Variants in RCOR1 observed in about 807,000 individuals in gnomAD.
RCOR1 encodes REST corepressor.
A neutral mutation model predicts 64.0 loss-of-function variants in RCOR1; 12 were observed. That is an observed-to-expected ratio of 0.19 (90% CI 0.12 to 0.30). The LOEUF is 0.30. RCOR1 is among the 10% of genes least tolerant of loss of function. The pLI is 1.00. For missense variants in RCOR1, 502 were observed against 621.2 expected, an observed-to-expected ratio of 0.81 and a Z score of 2.04; for synonymous variants, 279 against 227.2, an observed-to-expected ratio of 1.23 and a Z score of -2.05.
At chr14:102,626,086 C>T (rs769755010) in intron 2 of RCOR1, among the ~76,000 whole-genome samples, 1 of 152,198 alleles carries the variant, frequency 6.6e-6, no homozygotes, top group Non-Finnish European at 1.5e-5. Flanking sequence ...GATGCCCTTC[C>T]AGCATCCCTG....
chr14:102,628,922 G>A (rs1240207926), intron 2 of RCOR1, among the ~76,000 whole-genome samples: 3 of 140,450 alleles, frequency 2.1e-5, no homozygotes, highest in East Asian at 4.1e-4. Context: ...AGACGGTCTC[G>A]CTCTGTCACC....
At chr14:102,695,749 C>T (rs1895634136) in intron 3 of RCOR1, among the ~76,000 whole-genome samples, 1 of 150,222 alleles carries the variant, frequency 6.7e-6, no homozygotes, top group African/African-American at 2.5e-5. Context: ...CGGGGTTTCA[C>T]CATGTTGGCC....
At chr14:102,721,492 A>G (rs1006005335) in intron 10 of RCOR1, 115 bp downstream of exon 10, 4 of 682,840 alleles carry the variant, frequency 5.9e-6, no homozygotes, top group South Asian at 1.9e-5. Flanking sequence ...TCAAGGCTGC[A>G]TTGATCCATG....
Position 102,727,465 on chromosome 14 carries a change from CAG to C in RCOR1, c.*960_*961del, listed in dbSNP as rs1006147264. The C allele has an allele frequency of 7.2e-5, 11 of 152,594 alleles. No individual in the cohort carries two copies. The East Asian group carries it at 7.7e-4, about 11-fold the overall frequency. 9.5% of individuals were successfully genotyped at this position (152,594 alleles called of 1,614,324 possible). On this transcript the variant is annotated 3_prime_UTR_variant, in exon 12 of 12. Coordinates refer to ENST00000262241, the MANE Select transcript of RCOR1 (RefSeq NM_015156.4). Reference sequence around the variant, plus strand: ...AGATGACATCACTGAGATTAGGAGACAGGGGAGAGCTTGCTGCAGATTCTGAC... The same window carrying C: ...AGATGACATCACTGAGATTAGGAGACGGGAGAGCTTGCTGCAGATTCTGAC...
chr14:102,728,755 G>C lies in RCOR1; in HGVS notation c.*2249G>C, dbSNP rs1004746706. On this transcript the variant is annotated 3_prime_UTR_variant, in exon 12 of 12. Coordinates refer to ENST00000262241, the MANE Select transcript of RCOR1 (RefSeq NM_015156.4). ...GGTCTCCAGCCCTGAAGAATCACGT[G>C]TGATCACAGCAGCTGACCTGGGCTT... 1.3e-5 allele frequency: 2 copies of C among 152,160 alleles called. No individual in the cohort carries two copies. Among genetic ancestry groups the C allele is most frequent in the Admixed American group, 1.3e-4 (2 of 15,266 alleles). The allele number at this position is 152,160 out of a possible 1,614,324, so 9.4% of individuals were successfully genotyped here.
chr14:102,659,138 A>G (rs766715917), intron 2 of RCOR1: 9 of 985,330 alleles, frequency 9.1e-6, no homozygotes, highest in Non-Finnish European at 9.6e-6. Flanking sequence ...CTACCGACTT[A>G]CTGGACTTTT....
chr14:102,678,723 C>T lies in RCOR1; in HGVS notation c.362-3172C>T, dbSNP rs921382114. On this transcript the variant is annotated intron_variant, in intron 2 of 11. Coordinates refer to ENST00000262241, the MANE Select transcript of RCOR1 (RefSeq NM_015156.4). ...AAACTGCAAAACTTTCCCAGAATGG[C>T]TTTATAATTTTGCATTTACACCAGC... Among the ~76,000 whole-genome samples, 6 of 152,144 alleles carry T rather than the reference C, an allele frequency of 3.9e-5. No homozygotes were observed. In the East Asian group the frequency reaches 5.8e-4, roughly 15 times the overall value.
chr14:102,600,619 G>A (rs976137574), intron 2 of RCOR1, among the ~76,000 whole-genome samples: 1 of 143,888 alleles, frequency 6.9e-6, no homozygotes, highest in African/African-American at 2.6e-5. Flanking sequence ...TCCCCAGGCT[G>A]GAGTGCAGTG....
intron 2 of RCOR1, chr14:102,649,781 CTT>C (rs1032976626): frequency 1.0e-6 from 1 of 984,848 alleles, no homozygotes; most frequent in African/African-American, 1.7e-5. Flanking sequence ...CTAGAATGGG[CTT>C]TGTTTACTGT....
intron 2 of RCOR1, among the ~76,000 whole-genome samples, chr14:102,626,119 G>A (rs1050904668): frequency 2.0e-5 from 3 of 152,088 alleles, no homozygotes; most frequent in African/African-American, 7.2e-5. Context: ...CCATCATGAC[G>A]TCAGTTCATT....
chr14:102,609,025 CTTTTTTTTTT>C (rs1004210046), intron 2 of RCOR1, among the ~76,000 whole-genome samples: 45 of 106,996 alleles, frequency 4.2e-4, no homozygotes, highest in African/African-American at 7.7e-4. Context: ...CTGTGCTTCA[CTTTTTTTTTT>C]TTTTTTTTTT....
chr14:102,698,380 G>A (rs1895687655), intron 3 of RCOR1, among the ~76,000 whole-genome samples: 1 of 152,118 alleles, frequency 6.6e-6, no homozygotes, highest in Admixed American at 6.5e-5. Context: ...GCCACTCCAG[G>A]GACTCCTGCA....
chr14:102,597,273 TTTTA>T lies in RCOR1; in HGVS notation c.361+3951_361+3954del, dbSNP rs1419299143. 5.3e-5 allele frequency among the ~76,000 whole-genome samples: 8 copies of T among 152,318 alleles called. No homozygotes were observed. In the East Asian group the frequency reaches 1.3e-3, roughly 26 times the overall value. ...ACAGGCAGCTTTTTTTCTTTTCTTT[TTTTA>T]TTATAGTAAAATAAGTAACTATGGT... On this transcript the variant is annotated intron_variant, in intron 2 of 11. Transcript: ENST00000262241.
intron 2 of RCOR1, among the ~76,000 whole-genome samples, chr14:102,646,837 T>G (rs1378487686): frequency 6.6e-6 from 1 of 152,182 alleles, no homozygotes; most frequent in Non-Finnish European, 1.5e-5. Flanking sequence ...ACACGTGCGC[T>G]CACACACAGT....
chr14:102,658,485 A>C, intron 2 of RCOR1: 6 of 979,572 alleles, frequency 6.1e-6, no homozygotes, highest in Non-Finnish European at 7.3e-6. Flanking sequence ...GACTCTGAAA[A>C]AAATAATAAT....
chr14:102,631,394 G>A (rs1197347785), intron 2 of RCOR1, among the ~76,000 whole-genome samples: 1 of 151,582 alleles, frequency 6.6e-6, no homozygotes. Flanking sequence ...AAGTAGAGAC[G>A]GGGTTTCACC....
chr14:102,592,870 G>T lies in RCOR1; in HGVS notation c.-17G>T, dbSNP rs1385019836. The T allele has an allele frequency of 8.4e-7, 1 of 1,185,550 alleles. No homozygotes were observed. Among genetic ancestry groups the T allele is most frequent in the Non-Finnish European group, 1.0e-6 (1 of 960,240 alleles). 73.4% of individuals were successfully genotyped at this position (1,185,550 alleles called of 1,614,324 possible). ...CCGCGGGTCCCCGCCACTTTCGCAC[G>T]GCCCCGGCCCCCGCCGATGCCGGCC... On this transcript the variant is annotated 5_prime_UTR_variant, in exon 1 of 12. Transcript: ENST00000262241.
At chr14:102,594,207 T>C (rs1893196831) in intron 2 of RCOR1, among the ~76,000 whole-genome samples, 1 of 152,164 alleles carries the variant, frequency 6.6e-6, no homozygotes, top group Non-Finnish European at 1.5e-5. Context: ...TAAAGGTTGT[T>C]GGTATGGAAA....
intron 2 of RCOR1, chr14:102,655,176 A>G (rs894456148): frequency 5.6e-6 from 4 of 710,032 alleles, no homozygotes; most frequent in Non-Finnish European, 6.8e-6. Flanking sequence ...CAATACAGGC[A>G]TATGGTACAA....
Sources: allele counts gnomAD v4.1 joint callset (sites outside exome capture counted in the v4.1 genomes callset), GRCh38; gene constraint gnomAD v4.1.1; transcripts MANE v1.5; gene names NCBI Gene and HGNC (gene_info 2026-07-23, HGNC 2026-07-21).